Variants in PDE11A observed in about 807,000 individuals in gnomAD.
PDE11A encodes phosphodiesterase 11A, also known as dual 3',5'-cyclic-AMP and -GMP phosphodiesterase 11A.
In PDE11A, 100 loss-of-function variants were observed where a neutral mutation model predicts 100.5. The ratio of observed to expected loss-of-function variants is 1.00; its 90% CI spans 0.85 to 1.18. The LOEUF is 1.18. Among genes scored for constraint, PDE11A ranks in the 50% most tolerant of loss-of-function variants. The pLI, the probability that PDE11A is intolerant of heterozygous loss-of-function variation, is 0.00. For missense variants in PDE11A, 1,141 were observed against 1,152.6 expected (o/e 0.99, Z 0.15); for synonymous variants, 381 against 420.8 (o/e 0.91, Z 1.16).
At chr2:177,935,547 C>T (rs1311000762) in intron 2 of PDE11A, among the ~76,000 whole-genome samples, 3 of 152,152 alleles carry the variant, frequency 2.0e-5, no homozygotes, top group Admixed American at 6.5e-5. Flanking sequence ...AAATCACAGG[C>T]AGTACCCAAG....
intron 5 of PDE11A, among the ~76,000 whole-genome samples, chr2:177,870,874 GC>G (rs1272038258): frequency 6.6e-6 from 1 of 152,122 alleles, no homozygotes; most frequent in East Asian, 1.9e-4. Flanking sequence ...CTTCCCATAT[GC>G]TCATGAAGCA....
intron 2 of PDE11A, among the ~76,000 whole-genome samples, chr2:178,080,130 A>G (rs2087264978): frequency 1.3e-5 from 2 of 152,198 alleles, no homozygotes; most frequent in South Asian, 4.1e-4. Context: ...TTTGTTGTGC[A>G]GAAGCTCTTT....
intron 2 of PDE11A, among the ~76,000 whole-genome samples, chr2:177,936,724 T>C (rs1162012775): frequency 6.6e-6 from 1 of 152,072 alleles, no homozygotes; most frequent in Non-Finnish European, 1.5e-5. Context: ...AGTTTAAGAC[T>C]AGCCTGGCCA....
intron 2 of PDE11A, among the ~76,000 whole-genome samples, chr2:177,940,791 A>T (rs2085337311): frequency 6.6e-6 from 1 of 152,224 alleles, no homozygotes; most frequent in South Asian, 2.1e-4. Context: ...TTGAATATAT[A>T]CCGTGAGTCT....
intron 10 of PDE11A, among the ~76,000 whole-genome samples, chr2:177,755,067 T>C (rs2082072979): frequency 1.3e-5 from 2 of 152,210 alleles, no homozygotes; most frequent in Admixed American, 6.5e-5. Flanking sequence ...TATCAGAGAC[T>C]ACAGTGTTCA....
intron 2 of PDE11A, among the ~76,000 whole-genome samples, chr2:177,915,680 A>G (rs2084942238): frequency 6.6e-6 from 1 of 152,232 alleles, no homozygotes; most frequent in African/African-American, 2.4e-5. Context: ...TTTTGTGTAG[A>G]CATAATTTTT....
intron 5 of PDE11A, among the ~76,000 whole-genome samples, chr2:177,856,276 A>T (rs183725913): frequency 1.3e-5 from 2 of 152,212 alleles, no homozygotes; most frequent in Admixed American, 1.3e-4. Context: ...AATAGCAACA[A>T]ACAGAAATGA....
At chr2:177,638,736 G>A (rs1483939112) in intron 19 of PDE11A, among the ~76,000 whole-genome samples, 1 of 152,006 alleles carries the variant, frequency 6.6e-6, no homozygotes, top group Non-Finnish European at 1.5e-5. Context: ...TTTGTGGAGG[G>A]CTAATTTGCT....
At chr2:177,750,919 TGG>T (rs1163071373) in intron 10 of PDE11A, among the ~76,000 whole-genome samples, 1 of 152,196 alleles carries the variant, frequency 6.6e-6, no homozygotes, top group Non-Finnish European at 1.5e-5. Flanking sequence ...CAGAATCGCC[TGG>T]GGGCTTAAAA....
chr2:178,022,096 G>A (rs1164665624), intron 1 of PDE11A, among the ~76,000 whole-genome samples: 1 of 152,152 alleles, frequency 6.6e-6, no homozygotes, highest in African/African-American at 2.4e-5. Context: ...GTGGCTACAT[G>A]TAAAGAATGG....
chr2:177,970,572 G>A (rs578082670), intron 2 of PDE11A, among the ~76,000 whole-genome samples: 7 of 151,936 alleles, frequency 4.6e-5, no homozygotes, highest in Non-Finnish European at 1.0e-4. Context: ...TTGATTCAGG[G>A]TATGTAGCAT....
chr2:178,102,438 T>G (rs950752945), intron 2 of PDE11A, among the ~76,000 whole-genome samples: 1 of 146,058 alleles, frequency 6.8e-6, no homozygotes, highest in African/African-American at 2.5e-5. Flanking sequence ...GTTTTTTTTT[T>G]TTTTTTTTTT....
intron 2 of PDE11A, 78 bp from the exon 3 acceptor site, chr2:177,905,265 T>C (rs2695096): frequency 0.99 from 764,883 of 771,046 alleles, 379,611 homozygotes; most frequent in East Asian, 1. Context: ...TGCACACTTC[T>C]TCTATATGCC....
chr2:178,054,134 C>G (rs1191990099), intron 1 of PDE11A, among the ~76,000 whole-genome samples: 2 of 152,210 alleles, frequency 1.3e-5, no homozygotes, highest in African/African-American at 4.8e-5. Context: ...CAGCATGGTA[C>G]TGGTACCAAA....
rs1402992139 is a variant in PDE11A at position 177,660,071 on chromosome 2, CTTTCTTTCTTTCTTTCTTTCTTTCTT to C, written c.2646+3769_2646+3794del. 2.9e-4 allele frequency among the ~76,000 whole-genome samples: 9 copies of C among 30,822 alleles called. 1 individual carries two copies. The highest frequency in any genetic ancestry group is 7.1e-4 in the African/African-American group (7 of 9,866). The allele number at this position is 30,822 out of a possible 152,430, so 20.2% of individuals were successfully genotyped here. ...TCTTTCTTTCTTTCTTTCTTTCTTT[CTTTCTTTCTTTCTTTCTTTCTTTCTT>C]TCTCTCTCTCTCTCTTTCTTTCTTT... On this transcript the variant is annotated intron_variant, in intron 19 of 19. Transcript: ENST00000286063.
At chr2:177,872,309 G>A (rs894403285) in intron 5 of PDE11A, among the ~76,000 whole-genome samples, 1 of 152,174 alleles carries the variant, frequency 6.6e-6, no homozygotes. Flanking sequence ...ATAAATGCAA[G>A]AAGTCTATCA....
At chr2:177,753,527 TTC>T in intron 10 of PDE11A, among the ~76,000 whole-genome samples, 1 of 152,026 alleles carries the variant, frequency 6.6e-6, no homozygotes, top group East Asian at 1.9e-4. Flanking sequence ...CTTTGCTTTT[TTC>T]TGAGGAAGAA....
Position 177,922,690 on chromosome 2 carries a change from C to G in PDE11A, c.1072-17503G>C, listed in dbSNP as rs1052588860. ...TCATCACTTCCCACTCCCTCACCCCCACTCCAATCCAAGCTACCTTTCTGG... is the reference window on the plus strand; with the variant it reads ...TCATCACTTCCCACTCCCTCACCCCGACTCCAATCCAAGCTACCTTTCTGG... On this transcript the variant is annotated intron_variant, in intron 2 of 19. Transcript: ENST00000286063. 8.1e-6 allele frequency: 8 copies of G among 985,190 alleles called. No individual in the cohort carries two copies. The African/African-American group carries it at 1.0e-4, about 13-fold the overall frequency. The allele number at this position is 985,190 out of a possible 1,614,324, so 61.0% of individuals were successfully genotyped here. A position where few individuals can be genotyped will look rare whatever the true frequency, so the allele number is the denominator to read the frequency against.
chr2:177,911,985 T>G (rs960164354), intron 2 of PDE11A, among the ~76,000 whole-genome samples: 1 of 152,240 alleles, frequency 6.6e-6, no homozygotes, highest in African/African-American at 2.4e-5. Context: ...GTGGGGGACT[T>G]CATTCACAAA....
Sources: allele counts gnomAD v4.1 joint callset (sites outside exome capture counted in the v4.1 genomes callset), GRCh38; gene constraint gnomAD v4.1.1; transcripts MANE v1.5; gene names NCBI Gene and HGNC (gene_info 2026-07-23, HGNC 2026-07-21).